The following CAMTA1 variants were observed in gnomAD, a reference collection of about 807,000 sequenced individuals.
The protein encoded by CAMTA1 is calmodulin-binding transcription activator 1.
In CAMTA1, 27 loss-of-function variants were observed where a neutral mutation model predicts 170.9. That is an observed-to-expected ratio of 0.16 (90% CI 0.12 to 0.22). CAMTA1 has a LOEUF of 0.22. Among genes scored for constraint, CAMTA1 ranks in the 10% least tolerant of loss-of-function variants. The probability of loss-of-function intolerance (pLI) is 1.00; values close to 1 mark genes in which losing one functional copy is unlikely to be tolerated. For synonymous variants in CAMTA1, 833 were observed against 891.5 expected, an observed-to-expected ratio of 0.93 and a Z score of 1.17; for missense variants, 1,619 against 2,217.2, an observed-to-expected ratio of 0.73 and a Z score of 5.42.
chr1:7,287,859 G>A (rs1307049233), intron 5 of CAMTA1, among the ~76,000 whole-genome samples: 1 of 152,178 alleles, frequency 6.6e-6, no homozygotes, highest in Non-Finnish European at 1.5e-5. Context: ...AGAGAGTGAA[G>A]GTGTTGTAGC....
intron 6 of CAMTA1, among the ~76,000 whole-genome samples, chr1:7,544,198 A>G (rs527921520): frequency 5.9e-5 from 9 of 152,326 alleles, no homozygotes; most frequent in African/African-American, 1.9e-4. Flanking sequence ...CACTTCTTAC[A>G]TGGCGGTGGC....
chr1:7,553,225 G>A (rs1427920885), intron 6 of CAMTA1, among the ~76,000 whole-genome samples: 35 of 13,056 alleles, frequency 2.7e-3, no homozygotes, highest in African/African-American at 0.025. Context: ...GTGAGTGAAT[G>A]AATGAGGGAA....
intron 1 of CAMTA1, among the ~76,000 whole-genome samples, chr1:6,804,365 A>C (rs1644266348): frequency 2.0e-5 from 3 of 151,876 alleles, no homozygotes; most frequent in Non-Finnish European, 2.9e-5. Context: ...TATATTATAA[A>C]ATTAACCCTT....
At chr1:7,105,392 A>C (rs921826994) in intron 4 of CAMTA1, among the ~76,000 whole-genome samples, 1 of 152,232 alleles carries the variant, frequency 6.6e-6, no homozygotes, top group African/African-American at 2.4e-5. Flanking sequence ...GAATTCGCAG[A>C]AGTCACATTG....
intron 4 of CAMTA1, among the ~76,000 whole-genome samples, chr1:7,134,712 C>A (rs1322533161): frequency 6.6e-6 from 1 of 152,020 alleles, no homozygotes; most frequent in Non-Finnish European, 1.5e-5. Context: ...TGGGTATATG[C>A]CCAGAAGAAA....
chr1:7,078,632 T>C (rs201256607), intron 3 of CAMTA1, among the ~76,000 whole-genome samples: 14 of 152,232 alleles, frequency 9.2e-5, no homozygotes, highest in African/African-American at 3.1e-4. Flanking sequence ...CCACTGGCTG[T>C]GATGGAATAA....
chr1:6,874,500 C>T (rs1003326111), intron 3 of CAMTA1: 3 of 152,296 alleles, frequency 2.0e-5, no homozygotes, highest in Admixed American at 1.3e-4. Flanking sequence ...TCCTCACACC[C>T]AGAAAACCCC....
At chr1:7,480,130 T>G (rs111067959) in intron 6 of CAMTA1, among the ~76,000 whole-genome samples, 3,312 of 137,302 alleles carry the variant, frequency 0.024, 119 homozygotes, top group African/African-American at 0.089. Flanking sequence ...TGTGAGTATG[T>G]GTGTGTGAGC....
At chr1:7,677,939 A>T (rs2096139559) in intron 11 of CAMTA1, among the ~76,000 whole-genome samples, 1 of 152,196 alleles carries the variant, frequency 6.6e-6, no homozygotes, top group Non-Finnish European at 1.5e-5. Flanking sequence ...GGCTGGCCCC[A>T]CCCTCAATCT....
intron 6 of CAMTA1, among the ~76,000 whole-genome samples, chr1:7,560,859 A>C (rs1204056436): frequency 2.0e-5 from 3 of 151,366 alleles, no homozygotes; most frequent in Non-Finnish European, 4.4e-5. Context: ...GGGGCCTGGA[A>C]GGGCAGGGAC....
At chr1:6,885,182 G>T (rs374075808) in intron 3 of CAMTA1, among the ~76,000 whole-genome samples, 1 of 152,130 alleles carries the variant, frequency 6.6e-6, no homozygotes, top group African/African-American at 2.4e-5. Flanking sequence ...ATGATGAATG[G>T]ACTGGAATAA....
chr1:7,371,496 G>GTGATC (rs773328553), intron 5 of CAMTA1, among the ~76,000 whole-genome samples: 2 of 152,082 alleles, frequency 1.3e-5, no homozygotes, highest in African/African-American at 4.8e-5. Flanking sequence ...CTGACCTCAG[G>GTGATC]TGATCTGCCC....
intron 6 of CAMTA1, among the ~76,000 whole-genome samples, chr1:7,478,378 G>A (rs1267644954): frequency 2.6e-5 from 4 of 152,112 alleles, no homozygotes; most frequent in African/African-American, 4.8e-5. Flanking sequence ...TGTCTCCTGT[G>A]TGCCACCCTC....
At chr1:7,467,974 C>T (rs997182482) in intron 6 of CAMTA1, 73 bp downstream of exon 6, 29 of 1,255,240 alleles carry the variant, frequency 2.3e-5, no homozygotes, top group South Asian at 3.7e-5. Context: ...ACTGAGGGCG[C>T]GGGGCTCCGC....
intron 6 of CAMTA1, among the ~76,000 whole-genome samples, chr1:7,493,547 C>T (rs1294079491): frequency 1.3e-5 from 2 of 151,836 alleles, no homozygotes; most frequent in African/African-American, 4.8e-5. Flanking sequence ...GTGCCAAGCA[C>T]AGTACCAGGC....
chr1:7,063,868 AT>A lies in CAMTA1; in HGVS notation c.235-27434del, dbSNP rs1708607506. ...TTTGTTGGGGGAGAGAGAAAAATAA[AT>A]TCATGTACTAGTCTGCTCAGGCTGC... On this transcript the variant is annotated intron_variant, in intron 3 of 22. Transcript: ENST00000303635. The surrounding 1 kb of genome is among the most constrained non-coding windows in gnomAD (Gnocchi z 4.3). 6.6e-6 allele frequency among the ~76,000 whole-genome samples: 1 copy of A among 152,320 alleles called. No individual in the cohort carries two copies. The highest frequency in any genetic ancestry group is 1.9e-4 in the East Asian group (1 of 5,174).
At chr1:7,257,075 G>GT (rs1558317027) in intron 5 of CAMTA1, among the ~76,000 whole-genome samples, 5 of 119,460 alleles carry the variant, frequency 4.2e-5, no homozygotes, top group Non-Finnish European at 7.1e-5. Flanking sequence ...CCATCGCATG[G>GT]CGGGGGCGGG....
In CAMTA1 at chr1:7,591,510, G is replaced by A. The variant is rs78634920; in HGVS notation, c.511-48890G>A. On this transcript the variant is annotated intron_variant, in intron 6 of 22. Coordinates refer to ENST00000303635, the MANE Select transcript of CAMTA1 (RefSeq NM_015215.4). The stretch of plus-strand genomic sequence containing the variant: ...TTGCACACTGCTCCAAGGCCTCAAA[G>A]TTTCCAGGAATAATTAAAACTTCTA... Among the ~76,000 whole-genome samples the A allele has an allele frequency of 7.8e-3, 1,188 of 152,286 alleles. 19 individuals carry two copies. Among genetic ancestry groups the A allele is most frequent in the African/African-American group, 0.027 (1,116 of 41,548 alleles).
At chr1:6,963,713 C>CT (rs1419703724) in intron 3 of CAMTA1, among the ~76,000 whole-genome samples, 10 of 152,150 alleles carry the variant, frequency 6.6e-5, no homozygotes, top group African/African-American at 2.4e-4. Context: ...GCTGACCTGG[C>CT]TGGGGGGGCG....
Sources: gnomAD v4.1 joint callset for allele counts (sites outside exome capture counted in the v4.1 genomes callset) on GRCh38, gnomAD v4.1.1 for gene constraint, Gnocchi (gnomAD v3.1) non-coding constraint, MANE v1.5 for transcripts, NCBI Gene and HGNC (gene_info 2026-07-23, HGNC 2026-07-21) for gene names.